Variants in ERBB4 observed in about 807,000 individuals in gnomAD.
ERBB4 encodes the protein erb-b2 receptor tyrosine kinase 4.
ERBB4 carries 42 observed loss-of-function variants against 158.0 expected under a neutral mutation model. The ratio of observed to expected loss-of-function variants is 0.27; its 90% CI spans 0.21 to 0.34. The LOEUF (loss-of-function observed/expected upper bound fraction) is 0.34, where lower values mean the gene tolerates loss of function less well. Among genes scored for constraint, ERBB4 ranks in the 10% least tolerant of loss-of-function variants. ERBB4 has a pLI of 1.00. For missense variants in ERBB4, 1,333 were observed against 1,624.1 expected (o/e 0.82, Z 3.08); for synonymous variants, 583 against 558.7 (o/e 1.04, Z -0.61).
At chr2:211,940,989 T>A (rs1315483033) in intron 3 of ERBB4, among the ~76,000 whole-genome samples, 1 of 152,170 alleles carries the variant, frequency 6.6e-6, no homozygotes, top group East Asian at 1.9e-4. Context: ...TTCGAATATA[T>A]GTTTCTATCG....
At chr2:212,408,858 T>G (rs971694623) in intron 1 of ERBB4, among the ~76,000 whole-genome samples, 2 of 152,122 alleles carry the variant, frequency 1.3e-5, no homozygotes, top group Admixed American at 6.6e-5. Flanking sequence ...TTTCTTCTAT[T>G]ATGACATTTA....
At chr2:211,749,211 A>G (rs2075058597) in intron 5 of ERBB4, among the ~76,000 whole-genome samples, 3 of 152,128 alleles carry the variant, frequency 2.0e-5, no homozygotes, top group African/African-American at 4.8e-5. Flanking sequence ...AATTGATCCA[A>G]CCTCTATAGA....
intron 3 of ERBB4, among the ~76,000 whole-genome samples, chr2:211,907,945 T>C (rs2079440724): frequency 6.6e-6 from 1 of 151,864 alleles, no homozygotes; most frequent in South Asian, 2.1e-4. Flanking sequence ...CAGAGATTTC[T>C]TTACTTTGCA....
chr2:212,212,276 A>G (rs747174396), intron 1 of ERBB4, among the ~76,000 whole-genome samples: 1 of 151,954 alleles, frequency 6.6e-6, no homozygotes, highest in Non-Finnish European at 1.5e-5. Flanking sequence ...GAGATAGACA[A>G]GCAAAGAGTC....
rs940615667 is a variant in ERBB4 at position 211,798,968 on chromosome 2, G to A, written c.422-10809C>T. Among the ~76,000 whole-genome samples, 6 of 152,096 alleles carry A rather than the reference G, an allele frequency of 3.9e-5. No individual in the cohort carries two copies. The South Asian group carries it at 1.2e-3, about 32-fold the overall frequency. ...CCTGTCATTTCTCTAACTATATTCT[G>A]TGACAGCATTTAGAGCTGCTAGATT... On this transcript the variant is annotated intron_variant, in intron 3 of 27. Coordinates refer to ENST00000342788, the MANE Select transcript of ERBB4 (RefSeq NM_005235.3).
intron 1 of ERBB4, among the ~76,000 whole-genome samples, chr2:212,204,411 T>C (rs1452526524): frequency 1.3e-5 from 2 of 152,126 alleles, no homozygotes; most frequent in African/African-American, 2.4e-5. Context: ...ATATCAGTAT[T>C]TGTGGGCCAG....
chr2:211,786,496 A>G (rs967690648), intron 4 of ERBB4, among the ~76,000 whole-genome samples: 4 of 152,248 alleles, frequency 2.6e-5, no homozygotes, highest in Admixed American at 6.5e-5. Flanking sequence ...TTTACATGAA[A>G]AAAACAATAC....
chr2:212,497,113 G>A (rs1193149593), intron 1 of ERBB4, among the ~76,000 whole-genome samples: 1 of 149,014 alleles, frequency 6.7e-6, no homozygotes, highest in East Asian at 2.0e-4. Context: ...AGGAGGCGGA[G>A]GTTGCAGTGA....
At chr2:212,004,999 G>C (rs998786055) in intron 2 of ERBB4, among the ~76,000 whole-genome samples, 1 of 151,900 alleles carries the variant, frequency 6.6e-6, no homozygotes, top group Non-Finnish European at 1.5e-5. Flanking sequence ...TTGGCTAATT[G>C]TTTCTCTAAT....
At chr2:211,441,674 C>G (rs371463899) in intron 20 of ERBB4, among the ~76,000 whole-genome samples, 5 of 152,150 alleles carry the variant, frequency 3.3e-5, no homozygotes, top group Non-Finnish European at 5.9e-5. Flanking sequence ...CCAGAAGCTA[C>G]AGCTTATAAT....
intron 3 of ERBB4, among the ~76,000 whole-genome samples, chr2:211,815,951 G>C (rs999475589): frequency 6.6e-6 from 1 of 152,104 alleles, no homozygotes; most frequent in Non-Finnish European, 1.5e-5. Flanking sequence ...CTCCCTGGGA[G>C]TGTTGGGGGT....
chr2:212,526,052 T>C (rs1443354692), intron 1 of ERBB4, among the ~76,000 whole-genome samples: 1 of 152,100 alleles, frequency 6.6e-6, no homozygotes, highest in Non-Finnish European at 1.5e-5. Context: ...TTAATAAATC[T>C]GCCTTCACAG....
At chr2:211,515,912 A>ATATATATTTT (rs35696520) in intron 20 of ERBB4, among the ~76,000 whole-genome samples, 1 of 78,976 alleles carries the variant, frequency 1.3e-5, no homozygotes, top group Non-Finnish European at 2.4e-5. Flanking sequence ...ATATATATAT[A>ATATATATTTT]TTTTTTTTTT....
chr2:211,534,644 T>G (rs2066594628), intron 20 of ERBB4, among the ~76,000 whole-genome samples: 1 of 152,116 alleles, frequency 6.6e-6, no homozygotes, highest in Admixed American at 6.5e-5. Context: ...TACCATTATC[T>G]TGCTTCTCAT....
At position 211,428,476 on chromosome 2, in the gene ERBB4, A is replaced by G. The variant is rs2063682085; in HGVS notation, c.2651T>C (p.Ile884Thr). 6.5e-7 allele frequency: 1 copy of G among 1,542,510 alleles called. No homozygotes were observed. Among genetic ancestry groups the G allele is most frequent in the Non-Finnish European group, 9.0e-7 (1 of 1,115,868 alleles). ...EYNADGGKMPIKWMALECIHY... is the reference protein window; with the variant it reads ...EYNADGGKMPTKWMALECIHY... The stretch of plus-strand genomic sequence containing the variant: ...TATACACTCCAGAGCCATCCATTTA[A>G]TTGGCATCTATAGAGAAGTAAGAAG... The change falls in exon 22 of 28, where the codon ATT (isoleucine) becomes ACT (threonine). Residue 884 changes from isoleucine to threonine, a missense_variant. Ile to Thr is a moderately conservative substitution (Grantham distance 89). Transcript: ENST00000342788.
chr2:211,921,087 TA>T (rs540135721), intron 3 of ERBB4, among the ~76,000 whole-genome samples: 2 of 151,468 alleles, frequency 1.3e-5, no homozygotes, highest in Non-Finnish European at 3.0e-5. Flanking sequence ...TGCCAAACTT[TA>T]AAAAAAAATC....
chr2:212,284,246 C>A (rs112976946), intron 1 of ERBB4, among the ~76,000 whole-genome samples: 1 of 152,062 alleles, frequency 6.6e-6, no homozygotes, highest in African/African-American at 2.4e-5. Flanking sequence ...CTTCTCTGCA[C>A]AAAAGATCTT....
chr2:212,266,844 A>G (rs2085154168), intron 1 of ERBB4, among the ~76,000 whole-genome samples: 1 of 152,020 alleles, frequency 6.6e-6, no homozygotes, highest in Non-Finnish European at 1.5e-5. Context: ...AAAAAACACA[A>G]CAAATTAAAT....
intron 3 of ERBB4, among the ~76,000 whole-genome samples, chr2:211,815,045 A>C (rs111462386): frequency 3.0e-4 from 46 of 152,284 alleles, no homozygotes; most frequent in African/African-American, 1.0e-3. Flanking sequence ...TTTTCCTCTC[A>C]AAAGGCTTCT....
Sources: gnomAD v4.1 joint callset for allele counts (sites outside exome capture counted in the v4.1 genomes callset) on GRCh38, gnomAD v4.1.1 for gene constraint, MANE v1.5 for transcripts, NCBI Gene and HGNC (gene_info 2026-07-23, HGNC 2026-07-21) for gene names.